Variants in MYOM2 observed in about 807,000 individuals in gnomAD.
MYOM2 encodes myomesin-2.
Under a neutral mutation model 187.6 loss-of-function variants are expected in MYOM2, and 254 were observed. That is an observed-to-expected ratio of 1.35 (90% CI 1.22 to 1.50). MYOM2 has a LOEUF of 1.50. Among genes scored for constraint, MYOM2 ranks in the 40% most tolerant of loss-of-function variants. The pLI is 0.00. For synonymous variants in MYOM2, 981 were observed against 753.8 expected, an observed-to-expected ratio of 1.30 and a Z score of -4.94; for missense variants, 2,796 against 1,924.0, an observed-to-expected ratio of 1.45 and a Z score of -8.48.
intron 19 of MYOM2, 94 bp from the exon 20 acceptor site, chr8:2,100,782 C>T: frequency 2.4e-6 from 3 of 1,271,050 alleles, no homozygotes; most frequent in South Asian, 1.4e-5. Flanking sequence ...TGGGGGGCTT[C>T]CCAGAGGAGC....
chr8:2,045,221 C>A (rs1001002607), intron 1 of MYOM2, 53 bp downstream of exon 1: 1 of 152,220 alleles, frequency 6.6e-6, no homozygotes, highest in Non-Finnish European at 1.5e-5. Context: ...AAGGGGAGGA[C>A]CGGTAACTTC....
In MYOM2 at chr8:2,109,655, CATGGAAGGT is replaced by C; in HGVS notation, c.3180+125_3180+133del. 3.7e-6 allele frequency: 4 copies of C among 1,067,786 alleles called. No homozygotes were observed. The Admixed American group carries it at 9.1e-5, about 24-fold the overall frequency. 66.1% of individuals were successfully genotyped at this position (1,067,786 alleles called of 1,614,324 possible). Reference sequence around the variant, plus strand: ...CTTTTCTGAGCCTTAAAGATTGGGGCATGGAAGGTTGACAAGATGAATGGAGATGGTTGA... The same window carrying C: ...CTTTTCTGAGCCTTAAAGATTGGGGCTGACAAGATGAATGGAGATGGTTGA... On this transcript the variant is annotated intron_variant, in intron 25 of 36. Coordinates refer to ENST00000262113, the MANE Select transcript of MYOM2 (RefSeq NM_003970.4).
At chr8:2,131,355 A>C (rs192366912) in intron 32 of MYOM2, among the ~76,000 whole-genome samples, 2 of 152,214 alleles carry the variant, frequency 1.3e-5, no homozygotes, top group East Asian at 1.9e-4. Flanking sequence ...TCACGCCCCT[A>C]CTAAGTGAAA....
Position 2,086,468 on chromosome 8 carries a change from A to C in MYOM2, c.1644+1078A>C, listed in dbSNP as rs1362540698. ...CTACTGTCGTGATCTCCACGTGGCC[A>C]CACACTGTCATGATCTCTGTGTGGC... On this transcript the variant is annotated intron_variant, in intron 14 of 36. Transcript: ENST00000262113. 3.9e-4 allele frequency among the ~76,000 whole-genome samples: 37 copies of C among 95,672 alleles called. 1 individual carries two copies. The highest frequency in any genetic ancestry group is 1.0e-3 in the African/African-American group (17 of 16,310). The allele number at this position is 95,672 out of a possible 152,430, so 62.8% of individuals were successfully genotyped here.
chr8:2,115,798 G>T (rs952722153), intron 25 of MYOM2, among the ~76,000 whole-genome samples, 162 bp from the exon 26 acceptor site: 1 of 152,162 alleles, frequency 6.6e-6, no homozygotes, highest in Non-Finnish European at 1.5e-5. Context: ...CCCACTGTTT[G>T]ATCCTTGTTC....
chr8:2,077,228 T>A (rs1004034369), intron 11 of MYOM2, among the ~76,000 whole-genome samples: 13 of 152,062 alleles, frequency 8.5e-5, no homozygotes, highest in Admixed American at 3.9e-4. Context: ...GAGCATCTCT[T>A]GAACCAGGGA....
Position 2,055,086 on chromosome 8 carries a change from CG to C in MYOM2, c.264-2261del. Among the ~76,000 whole-genome samples, 3 of 113,992 alleles carry C rather than the reference CG, an allele frequency of 2.6e-5. 1 individual carries two copies. In the Admixed American group the frequency reaches 2.8e-4, roughly 11 times the overall value. 74.8% of individuals were successfully genotyped at this position (113,992 alleles called of 152,430 possible). On this transcript the variant is annotated intron_variant, in intron 3 of 36. Transcript: ENST00000262113. The stretch of plus-strand genomic sequence containing the variant: ...ACGAAGTACCTGGATACTGGGGGAA[CG>C]AAGTACCTGGATACTGGGGTAACCA...
chr8:2,100,552 G>A (rs1796671091), intron 19 of MYOM2: 1 of 302,404 alleles, frequency 3.3e-6, no homozygotes, highest in Non-Finnish European at 6.3e-6. Flanking sequence ...CCCCGTGGAG[G>A]GTAACTTGAG....
At chr8:2,102,107 G>A (rs1243815444) in intron 20 of MYOM2, 3 of 152,308 alleles carry the variant, frequency 2.0e-5, no homozygotes, top group South Asian at 2.1e-4. Context: ...GGCCTTCCAC[G>A]GGTGACACCT....
intron 19 of MYOM2, among the ~76,000 whole-genome samples, chr8:2,099,937 C>A (rs377441310): frequency 2.0e-5 from 3 of 152,218 alleles, no homozygotes; most frequent in African/African-American, 7.2e-5. Flanking sequence ...TTTGAGTTAG[C>A]AAATCAGCTG....
chr8:2,098,409 G>T (rs1290343881), intron 18 of MYOM2, among the ~76,000 whole-genome samples: 1 of 152,152 alleles, frequency 6.6e-6, no homozygotes, highest in African/African-American at 2.4e-5. Flanking sequence ...CCAAGTATGG[G>T]GGACGTGGTG....
chr8:2,117,530 T>G lies in MYOM2; in HGVS notation c.3386-355T>G, dbSNP rs982726240. ...GTTGTCGAATGTTCAGTTAGACATATACTTTGGGAAACAAAATATAATTAT... is the reference window on the plus strand; with the variant it reads ...GTTGTCGAATGTTCAGTTAGACATAGACTTTGGGAAACAAAATATAATTAT... On this transcript the variant is annotated intron_variant, in intron 27 of 36. Coordinates refer to ENST00000262113, the MANE Select transcript of MYOM2 (RefSeq NM_003970.4). 3.3e-5 allele frequency among the ~76,000 whole-genome samples: 5 copies of G among 152,238 alleles called. 1 individual carries two copies. The South Asian group carries it at 8.3e-4, about 25-fold the overall frequency.
chr8:2,082,191 T>C (rs1187704210), intron 13 of MYOM2: 2 of 152,322 alleles, frequency 1.3e-5, no homozygotes, highest in East Asian at 3.9e-4. Flanking sequence ...GGGTATGAAA[T>C]TGAAATTCTG....
At chr8:2,141,330 G>A (rs576021548) in intron 34 of MYOM2, among the ~76,000 whole-genome samples, 153 bp downstream of exon 34, 23 of 152,328 alleles carry the variant, frequency 1.5e-4, no homozygotes, top group Non-Finnish European at 2.9e-4. Context: ...TGCAGTATAT[G>A]GAGGGGTGGG....
At chr8:2,057,229 T>G in intron 3 of MYOM2, 119 bp from the exon 4 acceptor site, 3 of 1,206,784 alleles carry the variant, frequency 2.5e-6, no homozygotes, top group Non-Finnish European at 3.4e-6. Flanking sequence ...TCCTGTTCTC[T>G]TCTTGAACGC....
At chr8:2,059,599 C>T (rs1818784705) in intron 6 of MYOM2, among the ~76,000 whole-genome samples, 1 of 152,098 alleles carries the variant, frequency 6.6e-6, no homozygotes, top group Non-Finnish European at 1.5e-5. Flanking sequence ...AGAATGATAA[C>T]CTTTATTTTC....
chr8:2,140,999 A>C, intron 33 of MYOM2, 113 bp downstream of exon 33: 2 of 1,348,384 alleles, frequency 1.5e-6, no homozygotes, highest in Admixed American at 4.9e-5. Context: ...TACAATTTTC[A>C]TTTAGAGAAA....
intron 32 of MYOM2, among the ~76,000 whole-genome samples, chr8:2,132,663 T>G (rs995369382): frequency 6.6e-6 from 1 of 152,176 alleles, no homozygotes; most frequent in Admixed American, 6.5e-5. Flanking sequence ...TCTAGCTCAC[T>G]GTAGCCCTGA....
chr8:2,077,938 T>C (rs1261057392), intron 11 of MYOM2, among the ~76,000 whole-genome samples: 1 of 152,172 alleles, frequency 6.6e-6, no homozygotes, highest in Admixed American at 6.6e-5. Context: ...CCATGACATG[T>C]GGATCAGACA....
Sources: gnomAD v4.1 joint callset for allele counts (sites outside exome capture counted in the v4.1 genomes callset) on GRCh38, gnomAD v4.1.1 for gene constraint, MANE v1.5 for transcripts, NCBI Gene and HGNC (gene_info 2026-07-23, HGNC 2026-07-21) for gene names.